The following ZFPM2 variants were observed in gnomAD, a reference collection of about 807,000 sequenced individuals.
ZFPM2 encodes zinc finger protein, FOG family member 2, also known as zinc finger protein ZFPM2.
Under a neutral mutation model 98.6 loss-of-function variants are expected in ZFPM2, and 20 were observed. The observed-to-expected ratio is 0.20, with a 90% CI of 0.14 to 0.29. ZFPM2 has a LOEUF of 0.29. Among genes scored for constraint, ZFPM2 ranks in the 10% least tolerant of loss-of-function variants. ZFPM2 has a pLI of 1.00. For synonymous variants in ZFPM2, 518 were observed against 502.7 expected (o/e 1.03, Z -0.41); for missense variants, 1,310 against 1,388.6 (o/e 0.94, Z 0.90).
intron 2 of ZFPM2, among the ~76,000 whole-genome samples, chr8:105,427,139 G>A (rs1376643335): frequency 6.6e-6 from 1 of 152,126 alleles, no homozygotes; most frequent in African/African-American, 2.4e-5. Flanking sequence ...GAGAGCATGC[G>A]AAGGAACTCT....
At chr8:105,652,644 T>C (rs192966038) in intron 5 of ZFPM2, among the ~76,000 whole-genome samples, 2 of 152,256 alleles carry the variant, frequency 1.3e-5, no homozygotes, top group East Asian at 1.9e-4. Flanking sequence ...ATGATTATTC[T>C]TTAGGTCAGC....
intron 3 of ZFPM2, among the ~76,000 whole-genome samples, chr8:105,528,340 G>T (rs1188877389): frequency 6.6e-6 from 1 of 152,132 alleles, no homozygotes; most frequent in Non-Finnish European, 1.5e-5. Context: ...TCTTTGGGAA[G>T]TTGGGAAGTC....
chr8:105,570,539 G>A (rs1815332645), intron 4 of ZFPM2, among the ~76,000 whole-genome samples: 1 of 152,150 alleles, frequency 6.6e-6, no homozygotes, highest in South Asian at 2.1e-4. Flanking sequence ...TAGTTATGAT[G>A]TTGGCAGTGG....
intron 3 of ZFPM2, among the ~76,000 whole-genome samples, chr8:105,467,941 C>A (rs891638462): frequency 7.9e-5 from 12 of 152,058 alleles, no homozygotes; most frequent in African/African-American, 2.2e-4. Flanking sequence ...TCAAGAGTTT[C>A]AAACTTTTCT....
intron 5 of ZFPM2, chr8:105,786,951 A>G (rs1813431288): frequency 6.6e-6 from 1 of 152,230 alleles, no homozygotes; most frequent in Admixed American, 6.5e-5. Flanking sequence ...CTGAAACACC[A>G]TATGAACTAA....
At chr8:105,553,191 C>T (rs1231899068) in intron 3 of ZFPM2, among the ~76,000 whole-genome samples, 2 of 152,054 alleles carry the variant, frequency 1.3e-5, no homozygotes, top group African/African-American at 4.8e-5. Context: ...ATTTCGTCTT[C>T]TCTATTTCTC....
At chr8:105,473,688 A>G (rs1419682564) in intron 3 of ZFPM2, among the ~76,000 whole-genome samples, 2 of 152,254 alleles carry the variant, frequency 1.3e-5, no homozygotes, top group Non-Finnish European at 2.9e-5. Flanking sequence ...TAATAGAATT[A>G]AAGAAATGCA....
At chr8:105,745,537 C>G (rs1812323599) in intron 5 of ZFPM2, among the ~76,000 whole-genome samples, 1 of 152,042 alleles carries the variant, frequency 6.6e-6, no homozygotes, top group South Asian at 2.1e-4. Context: ...GCTGTGCTTT[C>G]AGGATAGGAT....
At chr8:105,687,383 A>G (rs1055982705) in intron 5 of ZFPM2, among the ~76,000 whole-genome samples, 1 of 152,224 alleles carries the variant, frequency 6.6e-6, no homozygotes, top group Non-Finnish European at 1.5e-5. Context: ...GAATCTTGTC[A>G]TCTCAGGGAA....
chr8:105,541,987 TAA>T (rs1814584531), intron 3 of ZFPM2, among the ~76,000 whole-genome samples: 1 of 152,174 alleles, frequency 6.6e-6, no homozygotes, highest in African/African-American at 2.4e-5. Flanking sequence ...GTATTACTGA[TAA>T]GTCTTTGTAT....
chr8:105,730,991 T>C (rs1811921603), intron 5 of ZFPM2, among the ~76,000 whole-genome samples: 1 of 151,620 alleles, frequency 6.6e-6, no homozygotes, highest in Non-Finnish European at 1.5e-5. Context: ...TCAATACTTC[T>C]CAGTTCAACA....
chr8:105,730,685 A>C (rs1198471157), intron 5 of ZFPM2, among the ~76,000 whole-genome samples: 1 of 151,486 alleles, frequency 6.6e-6, no homozygotes, highest in Non-Finnish European at 1.5e-5. Flanking sequence ...ATTTTAATAC[A>C]CACAGTATAT....
intron 3 of ZFPM2, among the ~76,000 whole-genome samples, chr8:105,464,692 C>T (rs1369285960): frequency 6.6e-6 from 1 of 151,584 alleles, no homozygotes; most frequent in Non-Finnish European, 1.5e-5. Flanking sequence ...ATTATAGTTC[C>T]AGCCGAGATC....
intron 5 of ZFPM2, among the ~76,000 whole-genome samples, chr8:105,657,053 A>G (rs1388611334): frequency 3.9e-5 from 6 of 152,186 alleles, no homozygotes; most frequent in Non-Finnish European, 5.9e-5. Context: ...TTAGGAAGCA[A>G]TGAAATAGAT....
chr8:105,773,618 A>G (rs1393072045), intron 5 of ZFPM2, among the ~76,000 whole-genome samples: 1 of 151,616 alleles, frequency 6.6e-6, no homozygotes. Flanking sequence ...TTCTAGTTTT[A>G]TCTAAATCAT....
chr8:105,678,177 A>G (rs76650768), intron 5 of ZFPM2, among the ~76,000 whole-genome samples: 6,628 of 152,262 alleles, frequency 0.044, 186 homozygotes, highest in Middle Eastern at 0.14. Flanking sequence ...AGAAAGAAGC[A>G]GTGTTTCTCA....
intron 1 of ZFPM2, among the ~76,000 whole-genome samples, chr8:105,361,810 A>T (rs1411968610): frequency 1.3e-5 from 2 of 151,492 alleles, no homozygotes; most frequent in African/African-American, 4.9e-5. Flanking sequence ...CCCATAAGAT[A>T]ATATTACCAT....
intron 1 of ZFPM2, among the ~76,000 whole-genome samples, chr8:105,416,447 C>T (rs1811681057): frequency 6.6e-6 from 1 of 151,454 alleles, no homozygotes; most frequent in Admixed American, 6.6e-5. Context: ...GTTAATTAAA[C>T]ATTGTATAAT....
At chr8:105,678,658 G>A (rs1345520218) in intron 5 of ZFPM2, 3 of 152,102 alleles carry the variant, frequency 2.0e-5, no homozygotes, top group African/African-American at 7.2e-5. Flanking sequence ...AATTTTAACT[G>A]GAAATTGTCC....
Sources: allele counts gnomAD v4.1 joint callset (sites outside exome capture counted in the v4.1 genomes callset), GRCh38; gene constraint gnomAD v4.1.1; transcripts MANE v1.5; gene names NCBI Gene and HGNC (gene_info 2026-07-23, HGNC 2026-07-21).